Variants in MLLT3 observed in about 807,000 individuals in gnomAD.
The protein encoded by MLLT3 is MLLT3 super elongation complex subunit.
Under a neutral mutation model 53.2 loss-of-function variants are expected in MLLT3, and 4 were observed. The ratio of observed to expected loss-of-function variants is 0.08; its 90% CI spans 0.04 to 0.17. The LOEUF is 0.17. Ranked by LOEUF, MLLT3 falls within the 10% of genes least tolerant of loss-of-function variation. MLLT3 has a pLI of 1.00. For synonymous variants in MLLT3, 283 were observed against 230.6 expected (o/e 1.23, Z -2.06); for missense variants, 569 against 684.0 (o/e 0.83, Z 1.87).
rs116558194 is a variant in MLLT3 at position 20,508,873 on chromosome 9, G to A, written c.194-52087C>T. Among the ~76,000 whole-genome samples the A allele has an allele frequency of 5.0e-3, 763 of 152,144 alleles. 4 individuals are homozygous for A. Among genetic ancestry groups the A allele is most frequent in the African/African-American group, 0.016 (671 of 41,500 alleles). ...GGTATCACTAATTCATATGGCTGTC[G>A]TCTCTACATCCTCAAGGAACTCATA... On this transcript the variant is annotated intron_variant, in intron 2 of 10. Transcript: ENST00000380338.
At chr9:20,374,617 G>C (rs973683812) in intron 5 of MLLT3, among the ~76,000 whole-genome samples, 21 of 152,122 alleles carry the variant, frequency 1.4e-4, no homozygotes, top group African/African-American at 5.1e-4. Flanking sequence ...AGAATCAAGA[G>C]AAATTTTATT....
chr9:20,606,416 C>G (rs531090648), intron 2 of MLLT3, among the ~76,000 whole-genome samples: 2 of 152,128 alleles, frequency 1.3e-5, no homozygotes, highest in South Asian at 4.1e-4. Flanking sequence ...TGCCGTACCC[C>G]CTTCACCCAC....
chr9:20,368,154 C>T (rs1023623586), intron 5 of MLLT3, among the ~76,000 whole-genome samples: 14 of 152,194 alleles, frequency 9.2e-5, no homozygotes, highest in African/African-American at 1.9e-4. Context: ...TTGGTTTACA[C>T]GTACAAATGC....
chr9:20,471,215 G>A (rs368089959), intron 2 of MLLT3, among the ~76,000 whole-genome samples: 3 of 151,906 alleles, frequency 2.0e-5, no homozygotes, highest in African/African-American at 7.2e-5. Context: ...TATATGAAAA[G>A]TATTTTTTTC....
At chr9:20,543,585 C>T (rs957522819) in intron 2 of MLLT3, among the ~76,000 whole-genome samples, 1 of 151,548 alleles carries the variant, frequency 6.6e-6, no homozygotes, top group African/African-American at 2.4e-5. Context: ...GAGTCTACAG[C>T]GGGCTATGAT....
chr9:20,394,259 G>A (rs1489983984), intron 5 of MLLT3, among the ~76,000 whole-genome samples: 1 of 152,134 alleles, frequency 6.6e-6, no homozygotes, highest in Non-Finnish European at 1.5e-5. Flanking sequence ...TTAGAATGAA[G>A]CTTTCGGGTA....
At chr9:20,591,748 T>C (rs1036980894) in intron 2 of MLLT3, among the ~76,000 whole-genome samples, 1 of 152,220 alleles carries the variant, frequency 6.6e-6, no homozygotes, top group Non-Finnish European at 1.5e-5. Flanking sequence ...GATAAGTGAA[T>C]GTGTATCAAA....
At chr9:20,568,763 T>C (rs1319215349) in intron 2 of MLLT3, among the ~76,000 whole-genome samples, 2 of 152,216 alleles carry the variant, frequency 1.3e-5, no homozygotes, top group East Asian at 3.8e-4. Context: ...TTTCAGCTAA[T>C]GTTGATTAAG....
intron 2 of MLLT3, among the ~76,000 whole-genome samples, chr9:20,566,014 TTATA>T (rs1207518330): frequency 3.1e-5 from 4 of 128,204 alleles, no homozygotes; most frequent in African/African-American, 8.9e-5. Flanking sequence ...ATATATATTT[TTATA>T]TATATTTATT....
At chr9:20,386,947 T>C (rs1038398407) in intron 5 of MLLT3, among the ~76,000 whole-genome samples, 18 of 152,360 alleles carry the variant, frequency 1.2e-4, no homozygotes, top group African/African-American at 4.1e-4. Context: ...ATCCTTTTCA[T>C]ACCTGGTAAA....
Position 20,456,845 on chromosome 9 carries a change from C to CT in MLLT3, c.194-60dup, listed in dbSNP as rs757648547. The CT allele has an allele frequency of 4.1e-5, 53 of 1,283,072 alleles. No homozygotes were observed. The East Asian group carries it at 7.0e-4, about 17-fold the overall frequency. The allele number at this position is 1,283,072 out of a possible 1,614,324, so 79.5% of individuals were successfully genotyped here. ...GAATAATAGACAAAAAGACATTCTT[C>CT]TTTTAAAAAAAAAAATCCCATTCTA... On this transcript the variant is annotated intron_variant, in intron 2 of 10. Transcript: ENST00000380338.
rs1157707482 is a variant in MLLT3 at position 20,363,345 on chromosome 9, C to G, written c.1331+131G>C. 3.9e-6 allele frequency: 4 copies of G among 1,029,362 alleles called. No individual in the cohort carries two copies. The African/African-American group carries it at 4.8e-5, about 12-fold the overall frequency. The allele number at this position is 1,029,362 out of a possible 1,614,324, so 63.8% of individuals were successfully genotyped here. ...GTGTGTGTAGGCATACCAAGGAGAC[C>G]CTGCATCAAATGAATGTGACCATCT... On this transcript the variant is annotated intron_variant, in intron 7 of 10. Transcript: ENST00000380338.
chr9:20,583,510 A>G (rs995754093), intron 2 of MLLT3, among the ~76,000 whole-genome samples: 6 of 152,088 alleles, frequency 3.9e-5, no homozygotes, highest in African/African-American at 1.4e-4. Context: ...GAGGTTCTCC[A>G]TGAGGGTCCC....
Position 20,360,136 on chromosome 9 carries a change from C to T in MLLT3, c.1431+606G>A, listed in dbSNP as rs111755484. Among the ~76,000 whole-genome samples the T allele has an allele frequency of 6.9e-3, 1,048 of 152,162 alleles. 16 individuals carry two copies. The highest frequency in any genetic ancestry group is 0.024 in the African/African-American group (997 of 41,516). ...TTTTCTCAGCATTTTATTAATTATT[C>T]CTTAAAATCCCAAGTAATAATCCTT... On this transcript the variant is annotated intron_variant, in intron 8 of 10. Coordinates refer to ENST00000380338, the MANE Select transcript of MLLT3 (RefSeq NM_004529.4).
chr9:20,467,311 G>A (rs531455650), intron 2 of MLLT3, among the ~76,000 whole-genome samples: 8 of 152,322 alleles, frequency 5.3e-5, no homozygotes, highest in Non-Finnish European at 1.2e-4. Flanking sequence ...CAGGCTCAGT[G>A]ACTCATGCCT....
chr9:20,449,555 T>G (rs1823790163), intron 3 of MLLT3, among the ~76,000 whole-genome samples: 1 of 152,178 alleles, frequency 6.6e-6, no homozygotes, highest in Non-Finnish European at 1.5e-5. Context: ...GAGCCTTGTT[T>G]TATTGTTATA....
intron 2 of MLLT3, among the ~76,000 whole-genome samples, chr9:20,522,190 G>A (rs1236539317): frequency 2.0e-5 from 3 of 150,914 alleles, no homozygotes; most frequent in Admixed American, 1.3e-4. Flanking sequence ...AAGTACTACT[G>A]TAGTACAGAA....
intron 2 of MLLT3, among the ~76,000 whole-genome samples, chr9:20,569,268 C>G (rs1162925901): frequency 6.6e-6 from 1 of 152,118 alleles, no homozygotes; most frequent in Non-Finnish European, 1.5e-5. Context: ...TTATCGTTCC[C>G]ATTTTATAAA....
intron 2 of MLLT3, among the ~76,000 whole-genome samples, chr9:20,526,726 A>G (rs1254194278): frequency 6.6e-6 from 1 of 152,118 alleles, no homozygotes; most frequent in East Asian, 1.9e-4. Flanking sequence ...GTTTAACTTT[A>G]CTGGCAGTTT....
Sources: gnomAD v4.1 joint callset for allele counts (sites outside exome capture counted in the v4.1 genomes callset) on GRCh38, gnomAD v4.1.1 for gene constraint, MANE v1.5 for transcripts, NCBI Gene and HGNC (gene_info 2026-07-23, HGNC 2026-07-21) for gene names.